The following TOP1MT variants were observed in gnomAD, a reference collection of about 807,000 sequenced individuals.
The protein encoded by TOP1MT is DNA topoisomerase I mitochondrial.
In TOP1MT, 80 loss-of-function variants were observed where a neutral mutation model predicts 73.9. The ratio of observed to expected loss-of-function variants is 1.08; its 90% confidence interval spans 0.90 to 1.30. TOP1MT has a LOEUF of 1.30. Ranked by LOEUF, TOP1MT falls within the 50% of genes most tolerant of loss-of-function variation. The probability of loss-of-function intolerance (pLI) is 0.00; values close to 1 mark genes in which losing one functional copy is unlikely to be tolerated. For synonymous variants in TOP1MT, 338 were observed against 326.4 expected (o/e 1.04, Z -0.38); for missense variants, 815 against 808.0 (o/e 1.01, Z -0.10).
chr8:143,353,919 G>A (rs1405221879), intron 1 of TOP1MT, among the ~76,000 whole-genome samples: 4 of 127,234 alleles, frequency 3.1e-5, no homozygotes, highest in Non-Finnish European at 4.6e-5. Flanking sequence ...AGCCGAGATC[G>A]CGCCACTGCA....
chr8:143,342,912 C>A (rs1326218011), intron 2 of TOP1MT, among the ~76,000 whole-genome samples: 1 of 151,758 alleles, frequency 6.6e-6, no homozygotes, highest in Non-Finnish European at 1.5e-5. Context: ...AGCCTCCCGA[C>A]CACCACACCC....
At chr8:143,345,249 C>G (rs879494699), upstream of TOP1MT, among the ~76,000 whole-genome samples, 7 of 152,204 alleles carry the variant, frequency 4.6e-5, no homozygotes, top group African/African-American at 1.4e-4. Flanking sequence ...GGCAGAGCCA[C>G]GCACTGAGGG....
intron 12 of TOP1MT, among the ~76,000 whole-genome samples, chr8:143,313,570 A>T (rs1403550387): frequency 1.4e-5 from 2 of 138,792 alleles, no homozygotes; most frequent in Admixed American, 7.3e-5. Context: ...AAAAAAAAAT[A>T]GGGCTGGGAG....
intron 1 of TOP1MT, chr8:143,343,343 T>C (rs962390260): frequency 4.5e-6 from 2 of 449,136 alleles, no homozygotes; most frequent in Non-Finnish European, 9.0e-6. Flanking sequence ...AGGGTTGCCA[T>C]TCTAACAACA....
chr8:143,330,502 T>C (rs933329853), intron 2 of TOP1MT, among the ~76,000 whole-genome samples: 3 of 152,112 alleles, frequency 2.0e-5, no homozygotes, highest in African/African-American at 7.2e-5. Context: ...AAACATTGCA[T>C]CAAAGGAGCT....
At position 143,326,166 on chromosome 8, in the gene TOP1MT, C is replaced by T. The variant is rs145395376; in HGVS notation, c.483+56G>A. On this transcript the variant is annotated intron_variant, in intron 4 of 13. Transcript: ENST00000329245. ...GCCTTTCTCAGTCTTTGGGCCAGGC[C>T]GGCCTCTCGTTCCCAGGGGCCACTT... 3.5e-4 allele frequency: 563 copies of T among 1,599,482 alleles called. 3 individuals carry two copies. The East Asian group carries it at 9.8e-3, about 28-fold the overall frequency.
Position 143,317,819 on chromosome 8 carries a change from G to A in TOP1MT, c.1234C>T (p.His412Tyr), listed in dbSNP as rs765897576. 2.5e-6 allele frequency: 4 copies of A among 1,614,190 alleles called. No homozygotes were observed. Among genetic ancestry groups the A allele is most frequent in the Non-Finnish European group, 2.5e-6 (3 of 1,180,024 alleles). ...DRLTTTSLNKHLQELMDGLTA... is the reference protein window; with the variant it reads ...DRLTTTSLNKYLQELMDGLTA... The stretch of plus-strand genomic sequence containing the variant: ...AGCCCGTCCATCAGCTCCTGGAGGT[G>A]CTTGTTCAGGCTGGTCGTCTGGGGA... Residue 412 changes from histidine to tyrosine, a missense_variant, in exon 10 of 14, where the codon CAC (histidine) becomes TAC (tyrosine). His to Tyr is a moderately conservative substitution (Grantham distance 83). Transcript: ENST00000329245.
At position 143,321,259 on chromosome 8, in the gene TOP1MT, A is replaced by T; in HGVS notation, c.1088T>A (p.Phe363Tyr). ...EADGCQHVVEFDFLGKDCIRY... is the reference protein window; with the variant it reads ...EADGCQHVVEYDFLGKDCIRY... ...GATGCAGTCCTTCCCCAGGAAGTCA[A>T]ATTCCACCACGTGTTGGCAGCCATC... The change falls in exon 8 of 14, where the codon TTT (phenylalanine) becomes TAT (tyrosine). Residue 363 changes from phenylalanine (F) to tyrosine (Y), a missense_variant. Physicochemically the swap from Phe to Tyr is conservative, Grantham distance 22 (BLOSUM62 3). This residue lies in a region of TOP1MT where 751 missense variants were observed against 725.4 expected (regional missense o/e 1.04). Coordinates refer to ENST00000329245, the MANE Select transcript of TOP1MT (RefSeq NM_052963.3). The T allele has an allele frequency of 2.5e-6, 4 of 1,612,370 alleles. No homozygotes were observed. The highest frequency in any genetic ancestry group is 3.4e-6 in the Non-Finnish European group (4 of 1,179,102).
rs1817083551 is a variant in TOP1MT at position 143,341,649 on chromosome 8, G to A, written c.29+1571C>T. 6.6e-6 allele frequency among the ~76,000 whole-genome samples: 1 copy of A among 152,188 alleles called. No individual in the cohort carries two copies. Among genetic ancestry groups the A allele is most frequent in the African/African-American group, 2.4e-5 (1 of 41,448 alleles). On this transcript the variant is annotated intron_variant, in intron 2 of 5. Coordinates refer to the TOP1MT transcript ENST00000518007. This position sits in a 1 kb window ranked among gnomAD's most constrained non-coding sequence, Gnocchi z 4.1. ...CCTCTGTCAGGAGCAGAAACCAAGGGCAATGAACAAAGGAGCCAGGGGTCA... is the reference window on the plus strand; with the variant it reads ...CCTCTGTCAGGAGCAGAAACCAAGGACAATGAACAAAGGAGCCAGGGGTCA...
At chr8:143,323,194 TGCCACACACAGGCACGCCACACAGGCAC>T (rs1816572289) in intron 7 of TOP1MT, among the ~76,000 whole-genome samples, 2 of 19,036 alleles carry the variant, frequency 1.1e-4, no homozygotes, top group Non-Finnish European at 2.2e-4. Context: ...CACACACGCA[TGCCACACACAGGCACGCCACACAGGCAC>T]GCCACACACA....
In TOP1MT at chr8:143,315,975, GGGGGCTCTCCT is replaced by G. The variant is rs1187142885; in HGVS notation, c.1458+13_1458+23del. ...GGAGGGGTCCCTTGAGGGCTGGGCTGGGGGCTCTCCTGGGAGCTGCTACCTTCGTCTGGAGA... is the reference window on the plus strand; with the variant it reads ...GGAGGGGTCCCTTGAGGGCTGGGCTGGGGAGCTGCTACCTTCGTCTGGAGA... On this transcript the variant is annotated intron_variant, in intron 11 of 13. Coordinates refer to ENST00000329245, the MANE Select transcript of TOP1MT (RefSeq NM_052963.3). The G allele has an allele frequency of 4.3e-6, 7 of 1,613,598 alleles. No individual in the cohort carries two copies. In the African/African-American group the frequency reaches 8.0e-5, roughly 18 times the overall value.
intron 5 of TOP1MT, 49 bp downstream of exon 5, chr8:143,325,297 C>T (rs747614398): frequency 6.6e-7 from 1 of 1,525,844 alleles, no homozygotes; most frequent in South Asian, 1.2e-5. Flanking sequence ...CCAGCCTCAC[C>T]CGGGTGGCGG....
chr8:143,332,410 G>A (rs549022937), intron 1 of TOP1MT: 1 of 1,102,540 alleles, frequency 9.1e-7, no homozygotes, highest in Non-Finnish European at 1.2e-6. Flanking sequence ...CATCAGGATG[G>A]GGGAGAGTGA....
rs1817070080 is a variant in TOP1MT at position 143,341,005 on chromosome 8, ACCT to A, written c.29+2212_29+2214del. On this transcript the variant is annotated intron_variant, in intron 2 of 5. Transcript: ENST00000518007. This position sits in a 1 kb window ranked among gnomAD's most constrained non-coding sequence, Gnocchi z 4.1. ...GCACCTGCTCCTGGCCACGCTTCGC[ACCT>A]CTTCTGTGGGAACTGCTCTGTCTAT... 6.6e-6 allele frequency among the ~76,000 whole-genome samples: 1 copy of A among 151,372 alleles called. No individual in the cohort carries two copies. The highest frequency in any genetic ancestry group is 1.5e-5 in the Non-Finnish European group (1 of 67,856).
At chr8:143,320,791 G>A (rs989517827) in intron 8 of TOP1MT, among the ~76,000 whole-genome samples, 1 of 152,208 alleles carries the variant, frequency 6.6e-6, no homozygotes, top group Non-Finnish European at 1.5e-5. Context: ...ATGCTGGGAA[G>A]GCAGGAGGAT....
upstream of TOP1MT, among the ~76,000 whole-genome samples, chr8:143,345,361 G>C (rs1817203027): frequency 6.6e-6 from 1 of 152,204 alleles, no homozygotes; most frequent in East Asian, 1.9e-4. Flanking sequence ...TGGCTGAAAA[G>C]GTCTGAACCA....
intron 8 of TOP1MT, among the ~76,000 whole-genome samples, chr8:143,320,557 A>C (rs892821583): frequency 7.9e-5 from 12 of 152,224 alleles, no homozygotes; most frequent in African/African-American, 2.7e-4. Flanking sequence ...GTGCACCACC[A>C]TGCCTGGCCA....
rs1310358013 is a variant in TOP1MT at position 143,342,784 on chromosome 8, A to ATTATT, written c.29+431_29+435dup. 5.2e-4 allele frequency among the ~76,000 whole-genome samples: 75 copies of ATTATT among 144,940 alleles called. 3 individuals carry two copies. The highest frequency in any genetic ancestry group is 3.2e-4 in the Non-Finnish European group (21 of 65,526). On this transcript the variant is annotated intron_variant, in intron 2 of 5. Transcript: ENST00000518007. ...AGAGACAGAGTCTTGCTCTATTATTATTATTATTATTATTATTAGAGACAG... is the reference window on the plus strand; with the variant it reads ...AGAGACAGAGTCTTGCTCTATTATTATTATTTTATTATTATTATTATTAGAGACAG...
rs571272054 is a variant in TOP1MT, at chr8:143,327,019, C to A, written c.361-675G>T. On this transcript the variant is annotated intron_variant, in intron 3 of 13. Coordinates refer to ENST00000329245, the MANE Select transcript of TOP1MT (RefSeq NM_052963.3). ...AAGGGGCCCAGCTAATTCCACCCAG[C>A]CCTGCCCTAAGGCCCTAAATTAATC... Among the ~76,000 whole-genome samples, 61 of 152,296 alleles carry A rather than the reference C, an allele frequency of 4.0e-4. No homozygotes were observed. In the South Asian group the frequency reaches 0.013, roughly 32 times the overall value.
Sources: gnomAD v4.1 joint callset for allele counts (sites outside exome capture counted in the v4.1 genomes callset) on GRCh38, gnomAD v4.1.1 for gene constraint, gnomAD v4.1.1 regional missense constraint, Gnocchi (gnomAD v3.1) non-coding constraint, MANE v1.5 for transcripts, NCBI Gene and HGNC (gene_info 2026-07-23, HGNC 2026-07-21) for gene names.